Variants in PCBP2 observed in about 807,000 individuals in gnomAD.
PCBP2 encodes poly(rC)-binding protein 2.
PCBP2 carries 4 observed loss-of-function variants against 50.1 expected under a neutral mutation model. The ratio of observed to expected loss-of-function variants is 0.08; its 90% confidence interval spans 0.04 to 0.18. PCBP2 has a LOEUF of 0.18. Ranked by LOEUF, PCBP2 falls within the 10% of genes least tolerant of loss-of-function variation. PCBP2 has a pLI of 1.00. For synonymous variants in PCBP2, 179 were observed against 168.0 expected, an observed-to-expected ratio of 1.07 and a Z score of -0.51; for missense variants, 161 against 474.3, an observed-to-expected ratio of 0.34 and a Z score of 6.14.
chr12:53,460,996 A>G lies in PCBP2; in HGVS notation c.376-19A>G. The G allele has an allele frequency of 6.2e-7, 1 of 1,611,580 alleles. No homozygotes were observed. The highest frequency in any genetic ancestry group is 8.5e-7 in the Non-Finnish European group (1 of 1,179,276). On this transcript the variant is annotated intron_variant, in intron 6 of 14. Coordinates refer to ENST00000546463, the MANE Select transcript of PCBP2 (RefSeq NM_031989.5). ...ATGAACTGTTTTTCTCTGATTTTGA[A>G]TTTCTTTTTACTCCAAAGAGTACAG...
intron 8 of PCBP2, among the ~76,000 whole-genome samples, chr12:53,462,835 A>G (rs912218367): frequency 6.6e-6 from 1 of 152,066 alleles, no homozygotes; most frequent in Non-Finnish European, 1.5e-5. Flanking sequence ...TACTGTCTCT[A>G]CTTCTCTCCC....
At chr12:53,461,822 A>G (rs1338571015) in intron 7 of PCBP2, among the ~76,000 whole-genome samples, 1 of 151,820 alleles carries the variant, frequency 6.6e-6, no homozygotes, top group Non-Finnish European at 1.5e-5. Context: ...CGATCCTCTC[A>G]CCTGTCTCCC....
intron 14 of PCBP2, among the ~76,000 whole-genome samples, chr12:53,477,212 T>C (rs1304512604): frequency 6.6e-6 from 1 of 152,130 alleles, no homozygotes; most frequent in East Asian, 1.9e-4. Flanking sequence ...ACCACCAATT[T>C]TTATGAACTT....
chr12:53,470,044 C>T (rs770765687), intron 13 of PCBP2, among the ~76,000 whole-genome samples: 1 of 152,070 alleles, frequency 6.6e-6, no homozygotes, highest in East Asian at 1.9e-4. Flanking sequence ...CTGCGTCCAG[C>T]CTGCTTTTGT....
intron 5 of PCBP2, among the ~76,000 whole-genome samples, chr12:53,457,064 T>G (rs908699303): frequency 3.3e-5 from 5 of 152,176 alleles, no homozygotes; most frequent in African/African-American, 1.2e-4. Flanking sequence ...ACTTTTTTTT[T>G]TCTTTTGAGG....
intron 10 of PCBP2, 101 bp from the exon 11 acceptor site, chr12:53,467,120 G>C: frequency 1.2e-6 from 1 of 804,058 alleles, no homozygotes; most frequent in Non-Finnish European, 2.1e-6. Flanking sequence ...GAGTAGTAGA[G>C]TCAATTTTGG....
chr12:53,458,073 C>T (rs915449798), intron 5 of PCBP2, among the ~76,000 whole-genome samples: 4 of 150,712 alleles, frequency 2.7e-5, no homozygotes, highest in Admixed American at 6.6e-5. Context: ...GGATTATAGG[C>T]GCCTACCACC....
chr12:53,452,510 G>GT (rs1940614479), intron 1 of PCBP2, 134 bp downstream of exon 1: 1 of 151,342 alleles, frequency 6.6e-6, no homozygotes, highest in Non-Finnish European at 1.5e-5. Flanking sequence ...CCACCTCACT[G>GT]TGCCAGGCCG....
chr12:53,479,287 A>G (rs1565877764), intron 14 of PCBP2, 119 bp from the exon 15 acceptor site: 2 of 853,982 alleles, frequency 2.3e-6, no homozygotes, highest in Non-Finnish European at 3.9e-6. Flanking sequence ...GAAACCTTAA[A>G]ATGTCTCCCT....
At chr12:53,464,483 G>T in intron 8 of PCBP2, 1 of 386,596 alleles carries the variant, frequency 2.6e-6, no homozygotes, top group Non-Finnish European at 4.6e-6. Flanking sequence ...GCTCTGTAGG[G>T]GTTCAACTTA....
chr12:53,460,511 T>TA (rs1363426170), intron 6 of PCBP2: 1 of 216,870 alleles, frequency 4.6e-6, no homozygotes, highest in Non-Finnish European at 9.8e-6. Flanking sequence ...ATCTAGATGT[T>TA]ACTGAATTTG....
intron 13 of PCBP2, 85 bp downstream of exon 13, chr12:53,468,917 C>CATT: frequency 3.5e-6 from 2 of 574,214 alleles, no homozygotes; most frequent in East Asian, 3.4e-5. Flanking sequence ...TCCTGCTACC[C>CATT]TTTTTTTTTT....
chr12:53,459,066 C>T (rs1208261402), intron 5 of PCBP2, among the ~76,000 whole-genome samples: 1 of 151,982 alleles, frequency 6.6e-6, no homozygotes, highest in African/African-American at 2.4e-5. Context: ...ATATTTATGG[C>T]TAATTTTGAG....
intron 9 of PCBP2, among the ~76,000 whole-genome samples, chr12:53,465,325 G>A (rs1941743760): frequency 6.6e-6 from 1 of 152,062 alleles, no homozygotes; most frequent in Non-Finnish European, 1.5e-5. Context: ...AGTGGGAGCT[G>A]CAAATGCCTA....
At chr12:53,479,355 G>GT (rs1565877827) in intron 14 of PCBP2, 51 bp from the exon 15 acceptor site, 1 of 1,520,080 alleles carries the variant, frequency 6.6e-7, no homozygotes, top group Non-Finnish European at 9.1e-7. Context: ...TAGAGATGAG[G>GT]TGCAGCTGAG....
intron 7 of PCBP2, among the ~76,000 whole-genome samples, chr12:53,462,272 T>A (rs1446152555): frequency 1.3e-5 from 2 of 152,244 alleles, no homozygotes; most frequent in Admixed American, 1.3e-4. Context: ...TCTCCCTTGA[T>A]GAGAATCAGT....
intron 8 of PCBP2, among the ~76,000 whole-genome samples, chr12:53,463,728 G>C (rs1406121530): frequency 6.6e-6 from 1 of 152,218 alleles, no homozygotes; most frequent in Non-Finnish European, 1.5e-5. Flanking sequence ...TTGAAATAGT[G>C]ACTGATTTTG....
chr12:53,475,318 C>T (rs562534041), intron 14 of PCBP2: 1 of 375,914 alleles, frequency 2.7e-6, no homozygotes, highest in African/African-American at 2.1e-5. Context: ...GTTACCGTTT[C>T]CTTTTTACTA....
intron 10 of PCBP2, among the ~76,000 whole-genome samples, chr12:53,466,336 A>G (rs558585263): frequency 6.6e-6 from 1 of 152,120 alleles, no homozygotes; most frequent in Non-Finnish European, 1.5e-5. Flanking sequence ...CTTTTCCATG[A>G]GGGTAATGGG....
Sources: allele counts gnomAD v4.1 joint callset (sites outside exome capture counted in the v4.1 genomes callset), GRCh38; gene constraint gnomAD v4.1.1; transcripts MANE v1.5; gene names NCBI Gene and HGNC (gene_info 2026-07-23, HGNC 2026-07-21).